Variants in AVL9 observed in about 807,000 individuals in gnomAD.
AVL9 encodes the protein AVL9 cell migration associated, also known as late secretory pathway protein AVL9 homolog.
AVL9 carries 49 observed loss-of-function variants against 79.2 expected under a neutral mutation model. The observed-to-expected ratio is 0.62, with a 90% CI of 0.49 to 0.79. AVL9 has a LOEUF of 0.79. Among genes scored for constraint, AVL9 ranks in the 30% least tolerant of loss-of-function variants. AVL9 has a pLI of 0.00. For missense variants in AVL9, 682 were observed against 776.8 expected (o/e 0.88, Z 1.45); for synonymous variants, 299 against 280.6 (o/e 1.07, Z -0.65).
chr7:32,548,144 C>CTCTTTTTTTTTTTTTTTTTTTTTTT lies in AVL9; in HGVS notation c.301-702_301-701insCTTTTTTTTTTTTTTTTTTTTTTTT, dbSNP rs1227025763. ...AACAAGCTGTCTGTTTTTGTCATCT[C>CTCTTTTTTTTTTTTTTTTTTTTTTT]TTTTTTCTTTTTTTTTTTTTTGAGA... On this transcript the variant is annotated intron_variant, in intron 3 of 15. Transcript: ENST00000318709. 6.1e-4 allele frequency among the ~76,000 whole-genome samples: 35 copies of CTCTTTTTTTTTTTTTTTTTTTTTTT among 57,582 alleles called. 1 individual carries two copies. Among genetic ancestry groups the CTCTTTTTTTTTTTTTTTTTTTTTTT allele is most frequent in the African/African-American group, 1.7e-3 (31 of 18,514 alleles). The allele number at this position is 57,582 out of a possible 152,430, so 37.8% of individuals were successfully genotyped here. A position where few individuals can be genotyped will look rare whatever the true frequency, so the allele number is the denominator to read the frequency against.
At chr7:32,531,582 T>C (rs187936377) in intron 1 of AVL9, 6 of 152,118 alleles carry the variant, frequency 3.9e-5, no homozygotes, top group African/African-American at 1.4e-4. Context: ...GGGTACCTCC[T>C]TTACTCAGCC....
At chr7:32,525,576 C>T (rs1384443556) in intron 1 of AVL9, among the ~76,000 whole-genome samples, 1 of 152,058 alleles carries the variant, frequency 6.6e-6, no homozygotes, top group African/African-American at 2.4e-5. Flanking sequence ...GATTTCACCC[C>T]TAACTTTTGT....
At chr7:32,506,547 A>G (rs946341346) in intron 1 of AVL9, among the ~76,000 whole-genome samples, 1 of 152,170 alleles carries the variant, frequency 6.6e-6, no homozygotes, top group African/African-American at 2.4e-5. Flanking sequence ...AAGACTTATG[A>G]ATTGTTTATT....
At chr7:32,549,054 C>T (rs1490698085) in intron 4 of AVL9, 136 bp downstream of exon 4, 5 of 475,488 alleles carry the variant, frequency 1.1e-5, no homozygotes, top group Non-Finnish European at 1.7e-5. Flanking sequence ...TCCTCATTCT[C>T]TTTCCCTTTC....
chr7:32,510,369 CCAT>C (rs1253225086), intron 1 of AVL9, among the ~76,000 whole-genome samples: 2 of 151,450 alleles, frequency 1.3e-5, no homozygotes, highest in Non-Finnish European at 2.9e-5. Flanking sequence ...ATGAGGGAAA[CCAT>C]CTCCCCAGGG....
chr7:32,518,225 G>T (rs936585275), intron 1 of AVL9, among the ~76,000 whole-genome samples: 1 of 152,168 alleles, frequency 6.6e-6, no homozygotes, highest in African/African-American at 2.4e-5. Context: ...TATATTTAAT[G>T]TTAAGTTTCT....
intron 1 of AVL9, among the ~76,000 whole-genome samples, chr7:32,524,408 G>C (rs1312653633): frequency 6.6e-6 from 1 of 151,916 alleles, no homozygotes; most frequent in African/African-American, 2.4e-5. Context: ...CCAGCTACTC[G>C]GGAGGCTGAG....
chr7:32,538,977 G>T (rs1789044045), intron 1 of AVL9: 1 of 110 alleles, frequency 9.1e-3, no homozygotes, highest in Non-Finnish European at 0.015. Context: ...CTTTGGCCAG[G>T]CGCAGTGCTC....
At chr7:32,583,223 G>A (rs117410418) in intron 15 of AVL9, among the ~76,000 whole-genome samples, 1 of 152,292 alleles carries the variant, frequency 6.6e-6, no homozygotes, top group East Asian at 1.9e-4. Context: ...AGTGTTGCTA[G>A]CACTGAGGGT....
chr7:32,578,836 GT>G (rs1455083323), intron 13 of AVL9, among the ~76,000 whole-genome samples: 1 of 152,062 alleles, frequency 6.6e-6, no homozygotes, highest in Admixed American at 6.6e-5. Context: ...GACGTCTGTT[GT>G]TATCAGAGGG....
At chr7:32,566,708 C>T (rs963469086) in intron 10 of AVL9, among the ~76,000 whole-genome samples, 2 of 132,988 alleles carry the variant, frequency 1.5e-5, no homozygotes, top group Non-Finnish European at 3.3e-5. Flanking sequence ...GAAACCCCAT[C>T]TCTACTAAAA....
At chr7:32,548,155 T>TGTTTTC (rs113839949) in intron 3 of AVL9, among the ~76,000 whole-genome samples, 16 of 142,968 alleles carry the variant, frequency 1.1e-4, no homozygotes, top group South Asian at 2.2e-4. Context: ...TTTTTTCTTT[T>TGTTTTC]TTTTTTTTTT....
At chr7:32,574,854 A>G (rs1213875617) in intron 12 of AVL9, among the ~76,000 whole-genome samples, 1 of 152,208 alleles carries the variant, frequency 6.6e-6, no homozygotes, top group Non-Finnish European at 1.5e-5. Flanking sequence ...CAACTTCTTT[A>G]TGCTGTGTAT....
At chr7:32,554,679 T>G in intron 8 of AVL9, 83 bp downstream of exon 8, 1 of 950,812 alleles carries the variant, frequency 1.1e-6, no homozygotes, top group Non-Finnish European at 1.5e-6. Context: ...AAATTGAAAC[T>G]AATGATAAAG....
intron 1 of AVL9, among the ~76,000 whole-genome samples, chr7:32,515,298 A>T (rs1787860419): frequency 6.6e-6 from 1 of 152,214 alleles, no homozygotes; most frequent in South Asian, 2.1e-4. Flanking sequence ...GACTCTGAGT[A>T]TAGGTGGCCT....
chr7:32,543,233 A>T lies in AVL9; in HGVS notation c.186A>T (p.Leu62Phe). 13 of 1,614,212 alleles carry T rather than the reference A, an allele frequency of 8.1e-6. No individual in the cohort carries two copies. The highest frequency in any genetic ancestry group is 1.1e-5 in the Non-Finnish European group (13 of 1,180,034). ...GGAAGTATTTGCCCTTCCTTGCCTT[A>T]CCAGATGGCGCACACAACTACCAGG... ...EEWKYLPFLA[L>F]PDGAHNYQED... Residue 62 changes from leucine (L) to phenylalanine (F), a missense_variant, in exon 2 of 16, where the codon TTA (leucine) becomes TTT (phenylalanine). Transcript: ENST00000318709.
Position 32,502,392 on chromosome 7 carries a change from C to CAA in AVL9, c.93+6606_93+6607dup, listed in dbSNP as rs70992721. On this transcript the variant is annotated intron_variant, in intron 1 of 15. Coordinates refer to ENST00000318709, the MANE Select transcript of AVL9 (RefSeq NM_015060.3). ...TGGGTGAGAGAGTAAAACCCTTTCT[C>CAA]AAAAAAAAAAAAAAAAAGAAAGAAA... Among the ~76,000 whole-genome samples, 171 of 114,354 alleles carry CAA rather than the reference C, an allele frequency of 1.5e-3. 1 individual carries two copies. The highest frequency in any genetic ancestry group is 5.3e-3 in the African/African-American group (162 of 30,344). The allele number at this position is 114,354 out of a possible 152,430, so 75.0% of individuals were successfully genotyped here. A position where few individuals can be genotyped will look rare whatever the true frequency, so the allele number is the denominator to read the frequency against.
intron 1 of AVL9, among the ~76,000 whole-genome samples, chr7:32,521,947 G>C (rs1788174728): frequency 6.6e-6 from 1 of 152,240 alleles, no homozygotes. Flanking sequence ...GAGGGTGGAA[G>C]CCCCAAGCTT....
Position 32,503,365 on chromosome 7 carries a change from T to TACACACACACAC in AVL9, c.93+7564_93+7565insCACACACACACA, listed in dbSNP as rs796351504. ...ATATAGATATAGATATAGAGAGATA[T>TACACACACACAC]ATATATATACACACACACACACACA... is the stretch of plus-strand genomic sequence containing the variant. On this transcript the variant is annotated intron_variant, in intron 1 of 15. Transcript: ENST00000318709. 3.3e-3 allele frequency among the ~76,000 whole-genome samples: 338 copies of TACACACACACAC among 103,090 alleles called. 3 individuals carry two copies. Among genetic ancestry groups the TACACACACACAC allele is most frequent in the Middle Eastern group, 9.7e-3 (2 of 206 alleles). The allele number at this position is 103,090 out of a possible 152,430, so 67.6% of individuals were successfully genotyped here.
Sources: gnomAD v4.1 joint callset for allele counts (sites outside exome capture counted in the v4.1 genomes callset) on GRCh38, gnomAD v4.1.1 for gene constraint, MANE v1.5 for transcripts, NCBI Gene and HGNC (gene_info 2026-07-23, HGNC 2026-07-21) for gene names.